NACA: variants seen among roughly 807,000 people sequenced by gnomAD.
NACA encodes the protein nascent polypeptide-associated complex subunit alpha.
In NACA, 42 loss-of-function variants were observed where a neutral mutation model predicts 86.4. The observed-to-expected ratio is 0.49, with a 90% CI of 0.38 to 0.63. The LOEUF is 0.63. NACA is among the 20% of genes least tolerant of loss of function. The pLI is 0.00. For missense variants in NACA, 2,157 were observed against 2,483.6 expected (o/e 0.87, Z 2.80); for synonymous variants, 898 against 973.7 (o/e 0.92, Z 1.45).
chr12:56,723,312 T>C (rs1953622685), intron 2 of NACA, among the ~76,000 whole-genome samples: 1 of 152,176 alleles, frequency 6.6e-6, no homozygotes, highest in Non-Finnish European at 1.5e-5. Flanking sequence ...AGTAAATGCA[T>C]TAGTTTTGAA....
intron 2 of NACA, among the ~76,000 whole-genome samples, chr12:56,722,812 A>C (rs535853757): frequency 6.6e-6 from 1 of 150,952 alleles, no homozygotes; most frequent in Non-Finnish European, 1.5e-5. Context: ...CATGACAGTA[A>C]GACAGTATCT....
chr12:56,718,577 C>A lies in NACA; in HGVS notation c.2953G>T (p.Ala985Ser). 1 of 1,279,998 alleles carries A rather than the reference C, an allele frequency of 7.8e-7. No individual in the cohort carries two copies. Among genetic ancestry groups the A allele is most frequent in the Non-Finnish European group, 1.0e-6 (1 of 996,632 alleles). 79.3% of individuals were successfully genotyped at this position (1,279,998 alleles called of 1,614,324 possible). ...GGAGTTGCAGCTGGGGGTGTGGGGG[C>A]CCCTTTGGGGGATGGAGTAGCTGGA... ...GGPATPSPKG[A>S]PTPPAATPPS... The change falls in exon 3 of 9, where the codon GCC (alanine) becomes TCC (serine). Residue 985 changes from alanine to serine, a missense_variant. Ala to Ser is a moderately conservative substitution (Grantham distance 99). Transcript: ENST00000454682.
chr12:56,715,761 G>C (rs974201865), intron 3 of NACA, 110 bp downstream of exon 3: 2 of 993,268 alleles, frequency 2.0e-6, no homozygotes, highest in Admixed American at 2.6e-5. Flanking sequence ...CCAAACCCAA[G>C]CAGATTCACT....
At chr12:56,722,642 C>T (rs906472493) in intron 2 of NACA, among the ~76,000 whole-genome samples, 2 of 152,148 alleles carry the variant, frequency 1.3e-5, no homozygotes, top group South Asian at 4.1e-4. Flanking sequence ...GAGCCAAGAT[C>T]GCGCTACTGC....
rs370841356 is a variant in NACA at position 56,715,829 on chromosome 12, G to A, written c.5659+42C>T. 8.4e-4 allele frequency: 1,240 copies of A among 1,475,296 alleles called. 3 individuals carry two copies. Among genetic ancestry groups the A allele is most frequent in the South Asian group, 1.1e-3 (76 of 68,180 alleles). The allele number at this position is 1,475,296 out of a possible 1,614,324, so 91.4% of individuals were successfully genotyped here. ...GTGGGTAGCGCCCAAGAGGGGTGTG[G>A]ACGACAGACACACCATGCACACGGC... On this transcript the variant is annotated intron_variant, in intron 3 of 8. Coordinates refer to ENST00000454682, the MANE Select transcript of NACA (RefSeq NM_001365896.1).
In NACA at chr12:56,720,411, G is replaced by A. The variant is rs916935622; in HGVS notation, c.1119C>T (p.Ala373=). 3.7e-6 allele frequency: 6 copies of A among 1,613,892 alleles called. No individual in the cohort carries two copies. Among genetic ancestry groups the A allele is most frequent in the Non-Finnish European group, 5.1e-6 (6 of 1,179,836 alleles). The change falls in exon 3 of 9, where the codon GCC becomes GCT. Residue 373 remains alanine (A), a synonymous_variant. Coordinates refer to ENST00000454682, the MANE Select transcript of NACA (RefSeq NM_001365896.1). ...CAACAGATGGAGCCACCACTGGAAA[G>A]GCAGCCACAGTAGCAGGAACTACCT... ...RNEVVPATVA[A]FPVVAPSVDK... is the part of the protein sequence containing the mutation.
In NACA at chr12:56,716,876, C is replaced by A; in HGVS notation, c.4654G>T (p.Ala1552Ser). ...LAPKEALIPP[A>S]MTVPSPKKTP... ...TTTTTAGGGGAGGGAACAGTCATAG[C>A]TGGGGGAATGAGGGCCTCTTTGGGG... Residue 1552 changes from alanine (A) to serine (S), a missense_variant, in exon 3 of 9, where the codon GCT (alanine) becomes TCT (serine). Ala to Ser is a moderately conservative substitution (Grantham distance 99, BLOSUM62 1). Around this residue, in one of 8 missense-constraint regions of NACA, gnomAD observed 797 missense variants for 777.6 expected, o/e 1.02. Coordinates refer to ENST00000454682, the MANE Select transcript of NACA (RefSeq NM_001365896.1). 8.1e-7 allele frequency: 1 copy of A among 1,231,490 alleles called. No individual in the cohort carries two copies. Among genetic ancestry groups the A allele is most frequent in the Non-Finnish European group, 1.0e-6 (1 of 970,116 alleles). 76.3% of individuals were successfully genotyped at this position (1,231,490 alleles called of 1,614,324 possible).
chr12:56,716,824 T>G lies in NACA; in HGVS notation c.4706A>C (p.Glu1569Ala). 2 of 1,251,826 alleles carry G rather than the reference T, an allele frequency of 1.6e-6. No homozygotes were observed. Among genetic ancestry groups the G allele is most frequent in the Non-Finnish European group, 1.0e-6 (1 of 978,504 alleles). The allele number at this position is 1,251,826 out of a possible 1,614,324, so 77.5% of individuals were successfully genotyped here. Residue 1569 changes from glutamate (E) to alanine (A), a missense_variant, in exon 3 of 9, where the codon GAA becomes GCA. By Grantham distance (107) the Glu-to-Ala change is moderately radical (BLOSUM62 -1). Transcript: ENST00000454682. ...TTTGGAGGATGGGGTAGCTGGGGCT[T>G]CTTTGGGGGTTGGAATTGCTGGGGT... ...KKTPAIPTPK[E>A]APATPSSKEA...
chr12:56,712,992 A>C, intron 7 of NACA, 70 bp downstream of exon 7: 1 of 1,610,988 alleles, frequency 6.2e-7, no homozygotes, highest in Non-Finnish European at 8.5e-7. Context: ...TCTAGTTTTT[A>C]ATATAGCTCA....
rs968656967 is a variant in NACA, at chr12:56,719,274, A to G, written c.2256T>C (p.Asp752=). The change falls in exon 3 of 9, where the codon GAT becomes GAC. Residue 752 remains aspartate (D), a synonymous_variant. Transcript: ENST00000454682. ...CCAATGCTGAAGTATGAGAAATACC[A>G]TCAACCTTTTTTGTACCTGGAGGAG... ...AGTPPGTKKV[D]GISHTSALAP... The G allele has an allele frequency of 1.9e-6, 3 of 1,575,376 alleles. No individual in the cohort carries two copies. Among genetic ancestry groups the G allele is most frequent in the Non-Finnish European group, 2.6e-6 (3 of 1,155,404 alleles).
intron 2 of NACA, 139 bp from the exon 3 acceptor site, chr12:56,721,598 T>C: frequency 3.6e-6 from 2 of 561,706 alleles, no homozygotes; most frequent in South Asian, 6.1e-5. Flanking sequence ...CCACGCAGGA[T>C]TAGATAAAGG....
rs1953343016 is a variant in NACA at position 56,715,912 on chromosome 12, G to C, written c.5618C>G (p.Pro1873Arg). 1 of 1,520,640 alleles carries C rather than the reference G, an allele frequency of 6.6e-7. No individual in the cohort carries two copies. The highest frequency in any genetic ancestry group is 8.8e-7 in the Non-Finnish European group (1 of 1,134,586). 94.2% of individuals were successfully genotyped at this position (1,520,640 alleles called of 1,614,324 possible). Reference sequence around the variant, plus strand: ...AACAGGTTGCTTGGCAGAGGGGGTTGGGACAGGGATTCCAGCAGATTTAGG... The same window carrying C: ...AACAGGTTGCTTGGCAGAGGGGGTTCGGACAGGGATTCCAGCAGATTTAGG... ...PTPKSAGIPV[P>R]TPSAKQPVTK... The change falls in exon 3 of 9, where the codon CCA becomes CGA. Residue 1873 changes from proline to arginine, a missense_variant. Pro to Arg is a moderately radical substitution (Grantham distance 103). This residue lies in a region of NACA where 797 missense variants were observed against 777.6 expected (regional missense o/e 1.02). Coordinates refer to ENST00000454682, the MANE Select transcript of NACA (RefSeq NM_001365896.1).
In NACA at chr12:56,719,748, G is replaced by T; in HGVS notation, c.1782C>A (p.Ser594Arg). The change falls in exon 3 of 9, where the codon AGC becomes AGA. Residue 594 changes from serine (S) to arginine (R), a missense_variant. Ser to Arg is a moderately radical substitution (Grantham distance 110, BLOSUM62 -1). This residue lies in a region of NACA where 947 missense variants were observed against 917.9 expected (regional missense o/e 1.03). Coordinates refer to ENST00000454682, the MANE Select transcript of NACA (RefSeq NM_001365896.1). ...TACCTATAGGGAGAGGCTCCCCAAG[G>T]CTTTTCTTTGCTAGGGTGGCTTCAG... ...LSPEATLAKK[S>R]LGEPLPIGKP... The T allele has an allele frequency of 6.2e-7, 1 of 1,613,884 alleles. No individual in the cohort carries two copies. The highest frequency in any genetic ancestry group is 8.5e-7 in the Non-Finnish European group (1 of 1,179,870).
In NACA at chr12:56,720,031, G is replaced by C. The variant is rs759039974; in HGVS notation, c.1499C>G (p.Thr500Ser). 1 of 1,613,842 alleles carries C rather than the reference G, an allele frequency of 6.2e-7. No individual in the cohort carries two copies. The highest frequency in any genetic ancestry group is 8.5e-7 in the Non-Finnish European group (1 of 1,179,882). ...PKEPSTQVAT[T>S]LRIPVSPPLP... Reference sequence around the variant, plus strand: ...AGGAGGAGAGACTGGTATCCTCAGAGTGGTTGCTACTTGAGTAGAAGGCTC... The same window carrying C: ...AGGAGGAGAGACTGGTATCCTCAGACTGGTTGCTACTTGAGTAGAAGGCTC... Residue 500 changes from threonine (T) to serine (S), a missense_variant, in exon 3 of 9, where the codon ACT becomes AGT. Thr to Ser is a moderately conservative substitution (Grantham distance 58, BLOSUM62 1). This residue lies in a region of NACA where 947 missense variants were observed against 917.9 expected (regional missense o/e 1.03). Coordinates refer to ENST00000454682, the MANE Select transcript of NACA (RefSeq NM_001365896.1).
chr12:56,716,255 T>A lies in NACA; in HGVS notation c.5275A>T (p.Lys1759Ter). 6.2e-7 allele frequency: 1 copy of A among 1,613,606 alleles called. No individual in the cohort carries two copies. Among genetic ancestry groups the A allele is most frequent in the Non-Finnish European group, 8.5e-7 (1 of 1,179,844 alleles). ...GACTCAGGAGGAGCCAAGGGGCCCT[T>A]TGGGGAATGAGAAGCATCTTTGCCT... is the stretch of plus-strand genomic sequence containing the variant. The part of the protein sequence containing the change: ...AKGKDASHSP[K>*]GPLAPPESKA... Residue 1759 changes from lysine to a stop codon, truncating the protein, a stop_gained, in exon 3 of 9, where the codon AAG (lysine) becomes TAG (stop). Coordinates refer to ENST00000454682, the MANE Select transcript of NACA (RefSeq NM_001365896.1). LOFTEE classifies it high-confidence loss of function.
rs1388206651 is a variant in NACA at position 56,719,923 on chromosome 12, G to A, written c.1607C>T (p.Pro536Leu). ...GAAAGGGGCTCCTTCAAGAGAGGCA[G>A]GTACAGTTTGGAGGTCTTTTTGTGT... Reference protein sequence around the residue: ...FPTQKDLQTVPASLEGAPFSP... With the variant: ...FPTQKDLQTVLASLEGAPFSP... The change falls in exon 3 of 9, where the codon CCT becomes CTT. Residue 536 changes from proline to leucine, a missense_variant. By Grantham distance (98) the Pro-to-Leu change is moderately conservative. Coordinates refer to ENST00000454682, the MANE Select transcript of NACA (RefSeq NM_001365896.1). The A allele has an allele frequency of 3.1e-6, 5 of 1,613,936 alleles. No homozygotes were observed. The highest frequency in any genetic ancestry group is 4.2e-6 in the Non-Finnish European group (5 of 1,179,876).
rs534688195 is a variant in NACA, at chr12:56,716,312, G to T, written c.5218C>A (p.Pro1740Thr). 1.2e-6 allele frequency: 2 copies of T among 1,612,992 alleles called. No individual in the cohort carries two copies. The highest frequency in any genetic ancestry group is 1.3e-5 in the African/African-American group (1 of 75,026). ...GTCTTTGAAGAGTCTTTCTGAACAG[G>T]GAGTAGAGGGGCTGGAGCCACTGTG... ...LSTVAPAPLL[P>T]VQKDSSKTAK... Residue 1740 changes from proline to threonine, a missense_variant, in exon 3 of 9, where the codon CCT becomes ACT. By Grantham distance (38) the Pro-to-Thr change is conservative (BLOSUM62 -1). Coordinates refer to ENST00000454682, the MANE Select transcript of NACA (RefSeq NM_001365896.1).
chr12:56,718,497 G>A lies in NACA; in HGVS notation c.3033C>T (p.Pro1011=). The A allele has an allele frequency of 2.3e-6, 3 of 1,277,794 alleles. No individual in the cohort carries two copies. In the South Asian group the frequency reaches 4.6e-5, roughly 20 times the overall value. 79.2% of individuals were successfully genotyped at this position (1,277,794 alleles called of 1,614,324 possible). A position where few individuals can be genotyped will look rare whatever the true frequency, so the allele number is the denominator to read the frequency against. ...TGGGGGAGGGAGGAGTCACAGCTGGGGGTGTGGGGGCCCCTTTGGGGGATG... is the reference window on the plus strand; with the variant it reads ...TGGGGGAGGGAGGAGTCACAGCTGGAGGTGTGGGGGCCCCTTTGGGGGATG... ...ATPSPKGAPT[P]PAVTPPSPKG... The change falls in exon 3 of 9, where the codon CCC becomes CCT. Residue 1011 remains proline, a synonymous_variant. Coordinates refer to ENST00000454682, the MANE Select transcript of NACA (RefSeq NM_001365896.1).
In NACA at chr12:56,720,406, G is replaced by C; in HGVS notation, c.1124C>G (p.Pro375Arg). ...EVVPATVAAF[P>R]VVAPSVDKGP... ...TTTGTCAACAGATGGAGCCACCACT[G>C]GAAAGGCAGCCACAGTAGCAGGAAC... Residue 375 changes from proline (P) to arginine (R), a missense_variant, in exon 3 of 9, where the codon CCA (proline) becomes CGA (arginine). Physicochemically the swap from Pro to Arg is moderately radical, Grantham distance 103 (BLOSUM62 -2). This residue lies in a region of NACA where 947 missense variants were observed against 917.9 expected (regional missense o/e 1.03). Transcript: ENST00000454682. 3.1e-6 allele frequency: 5 copies of C among 1,613,824 alleles called. No individual in the cohort carries two copies. Among genetic ancestry groups the C allele is most frequent in the Non-Finnish European group, 4.2e-6 (5 of 1,179,818 alleles).
Sources: gnomAD v4.1 joint callset for allele counts (sites outside exome capture counted in the v4.1 genomes callset) on GRCh38, gnomAD v4.1.1 for gene constraint, gnomAD v4.1.1 regional missense constraint, MANE v1.5 for transcripts, NCBI Gene and HGNC (gene_info 2026-07-23, HGNC 2026-07-21) for gene names.